Variants in RHOJ observed in about 807,000 individuals in gnomAD.
RHOJ encodes ras homolog family member J.
RHOJ carries 11 observed loss-of-function variants against 23.4 expected under a neutral mutation model. The ratio of observed to expected loss-of-function variants is 0.47; its 90% CI spans 0.30 to 0.78. RHOJ has a LOEUF of 0.78. RHOJ is among the 30% of genes least tolerant of loss of function. The pLI is 0.08. For synonymous variants in RHOJ, 102 were observed against 102.7 expected, an observed-to-expected ratio of 0.99 and a Z score of 0.04; for missense variants, 254 against 273.4, an observed-to-expected ratio of 0.93 and a Z score of 0.50.
chr14:63,287,098 G>A (rs775297444), intron 4 of RHOJ, among the ~76,000 whole-genome samples: 5 of 152,198 alleles, frequency 3.3e-5, no homozygotes, highest in Non-Finnish European at 4.4e-5. Flanking sequence ...TCCATTTACA[G>A]GACATGCCTT....
intron 1 of RHOJ, among the ~76,000 whole-genome samples, chr14:63,232,694 CT>C (rs373918863): frequency 0.045 from 5,203 of 115,124 alleles, 93 homozygotes; most frequent in African/African-American, 0.14. Context: ...TTTTTCTTGC[CT>C]TTTTTTTTTT....
chr14:63,238,336 A>G (rs1894824895), intron 1 of RHOJ, among the ~76,000 whole-genome samples: 1 of 152,226 alleles, frequency 6.6e-6, no homozygotes, highest in Non-Finnish European at 1.5e-5. Context: ...TGTTGAAGCA[A>G]CAGTCATCAT....
chr14:63,210,979 G>C (rs977493627), intron 1 of RHOJ, among the ~76,000 whole-genome samples: 1 of 152,166 alleles, frequency 6.6e-6, no homozygotes, highest in Non-Finnish European at 1.5e-5. Flanking sequence ...GCAAACCCAG[G>C]CTGCCTATGC....
chr14:63,221,937 T>C (rs1223716819), intron 1 of RHOJ, among the ~76,000 whole-genome samples: 2 of 151,856 alleles, frequency 1.3e-5, no homozygotes, highest in Non-Finnish European at 2.9e-5. Context: ...ACTTGTCATT[T>C]ACATTAGGTA....
At position 63,291,371 on chromosome 14, in the gene RHOJ, C is replaced by A. The variant is rs182833843; in HGVS notation, c.*347C>A. ...GCTGATAGGAAATCACCCCAGGGAACCCGAAAAAGAAACTTGATTCCTCTA... is the reference window on the plus strand; with the variant it reads ...GCTGATAGGAAATCACCCCAGGGAAACCGAAAAAGAAACTTGATTCCTCTA... On this transcript the variant is annotated 3_prime_UTR_variant, in exon 5 of 5. Coordinates refer to ENST00000316754, the MANE Select transcript of RHOJ (RefSeq NM_020663.5). 313 of 314,710 alleles carry A rather than the reference C, an allele frequency of 9.9e-4. 1 individual carries two copies. The highest frequency in any genetic ancestry group is 6.5e-3 in the African/African-American group (298 of 45,896). 19.5% of individuals were successfully genotyped at this position (314,710 alleles called of 1,614,324 possible).
intron 1 of RHOJ, among the ~76,000 whole-genome samples, chr14:63,259,922 G>C (rs1895244076): frequency 6.6e-6 from 1 of 152,134 alleles, no homozygotes; most frequent in Non-Finnish European, 1.5e-5. Context: ...GAATAACAAA[G>C]AGACAGGCAA....
intron 1 of RHOJ, among the ~76,000 whole-genome samples, chr14:63,254,324 T>C (rs187604251): frequency 8.0e-4 from 122 of 152,168 alleles, no homozygotes; most frequent in Non-Finnish European, 1.1e-3. Flanking sequence ...ATTTCCTGGG[T>C]GCTGGGAAAG....
intron 1 of RHOJ, among the ~76,000 whole-genome samples, chr14:63,224,361 C>G (rs552296131): frequency 6.6e-6 from 1 of 152,286 alleles, no homozygotes; most frequent in South Asian, 2.1e-4. Flanking sequence ...GAGGTCTCTG[C>G]TTCATGTACT....
rs1275659796 is a variant in RHOJ, at chr14:63,291,146, C to T, written c.*122C>T. ...GGAACTCCCTTTGCACGGAGGCTTG[C>T]CCCATCACCCTCTGAGCCCTCCCAA... is the stretch of plus-strand genomic sequence containing the variant. On this transcript the variant is annotated 3_prime_UTR_variant, in exon 5 of 5. Coordinates refer to ENST00000316754, the MANE Select transcript of RHOJ (RefSeq NM_020663.5). 1.8e-6 allele frequency: 2 copies of T among 1,129,380 alleles called. No homozygotes were observed. The highest frequency in any genetic ancestry group is 2.4e-5 in the East Asian group (1 of 40,928). 70.0% of individuals were successfully genotyped at this position (1,129,380 alleles called of 1,614,324 possible).
At chr14:63,212,367 C>G (rs1191395097) in intron 1 of RHOJ, among the ~76,000 whole-genome samples, 1 of 152,114 alleles carries the variant, frequency 6.6e-6, no homozygotes, top group Middle Eastern at 3.2e-3. Context: ...CACCAAATAT[C>G]CTTGCACATT....
chr14:63,232,107 C>T (rs944885484), intron 1 of RHOJ, among the ~76,000 whole-genome samples: 15 of 152,154 alleles, frequency 9.9e-5, no homozygotes, highest in Non-Finnish European at 1.9e-4. Flanking sequence ...CCTGGGGTCT[C>T]TTCCAGGCCT....
rs1406161863 is a variant in RHOJ at position 63,276,742 on chromosome 14, C to A, written c.238-4229C>A. Among the ~76,000 whole-genome samples, 6 of 152,188 alleles carry A rather than the reference C, an allele frequency of 3.9e-5. No homozygotes were observed. The East Asian group carries it at 1.2e-3, about 29-fold the overall frequency. On this transcript the variant is annotated intron_variant, in intron 2 of 4. Transcript: ENST00000316754. ...TCACCTGCCCCACCTACAGTCAACC[C>A]AGCAACCCATGGTCTTCCAACTTTT...
chr14:63,206,260 T>G (rs1384828012), intron 1 of RHOJ, among the ~76,000 whole-genome samples: 3 of 152,190 alleles, frequency 2.0e-5, no homozygotes, highest in Non-Finnish European at 2.9e-5. Flanking sequence ...TCCCAGCAGG[T>G]TTTTCTATAT....
At chr14:63,277,896 T>G (rs11845811) in intron 2 of RHOJ, among the ~76,000 whole-genome samples, 6,709 of 151,510 alleles carry the variant, frequency 0.044, 519 homozygotes, top group African/African-American at 0.15. Flanking sequence ...TCAGAGCTAG[T>G]TGTGTAAAGA....
chr14:63,270,239 A>T (rs186282740), intron 2 of RHOJ, among the ~76,000 whole-genome samples: 1 of 150,900 alleles, frequency 6.6e-6, no homozygotes, highest in Admixed American at 6.6e-5. Flanking sequence ...TCTTCACAAG[A>T]ATATAAATAA....
chr14:63,209,473 C>T (rs1894185642), intron 1 of RHOJ, among the ~76,000 whole-genome samples: 1 of 147,898 alleles, frequency 6.8e-6, no homozygotes, highest in Non-Finnish European at 1.5e-5. Context: ...GCTTTTTCCC[C>T]AGTCTCATAC....
chr14:63,215,486 T>C lies in RHOJ; in HGVS notation c.178+10439T>C, dbSNP rs188329183. Among the ~76,000 whole-genome samples the C allele has an allele frequency of 1.3e-3, 197 of 152,376 alleles. 1 individual carries two copies. Among genetic ancestry groups the C allele is most frequent in the African/African-American group, 4.5e-3 (187 of 41,602 alleles). ...TCCTGATCTTTTTGCAGCAAGTTACTTAATTAGCTAACATTAAGTAGCTGA... is the reference window on the plus strand; with the variant it reads ...TCCTGATCTTTTTGCAGCAAGTTACCTAATTAGCTAACATTAAGTAGCTGA... On this transcript the variant is annotated intron_variant, in intron 1 of 4. Transcript: ENST00000316754.
At position 63,292,972 on chromosome 14, in the gene RHOJ, A is replaced by T. The variant is rs1274103745; in HGVS notation, c.*1948A>T. 1 of 151,342 alleles carries T rather than the reference A, an allele frequency of 6.6e-6. No homozygotes were observed. Among genetic ancestry groups the T allele is most frequent in the Non-Finnish European group, 1.5e-5 (1 of 67,914 alleles). 9.4% of individuals were successfully genotyped at this position (151,342 alleles called of 1,614,324 possible). On this transcript the variant is annotated 3_prime_UTR_variant, in exon 5 of 5. Coordinates refer to ENST00000316754, the MANE Select transcript of RHOJ (RefSeq NM_020663.5). Reference sequence around the variant, plus strand: ...CAAAAAAAAAAAAAAAACAACCTACATTTCAAGTACTATTTCCCTTCTCTC... The same window carrying T: ...CAAAAAAAAAAAAAAAACAACCTACTTTTCAAGTACTATTTCCCTTCTCTC...
At chr14:63,230,720 TAC>T (rs1894676671) in intron 1 of RHOJ, among the ~76,000 whole-genome samples, 1 of 144,950 alleles carries the variant, frequency 6.9e-6, no homozygotes, top group East Asian at 2.5e-4. Flanking sequence ...CACACACACA[TAC>T]ACACTTCTTT....
Sources: allele counts gnomAD v4.1 joint callset (sites outside exome capture counted in the v4.1 genomes callset), GRCh38; gene constraint gnomAD v4.1.1; transcripts MANE v1.5; gene names NCBI Gene and HGNC (gene_info 2026-07-23, HGNC 2026-07-21).